Variants in ARB2A observed in about 807,000 individuals in gnomAD.
ARB2A encodes cotranscriptional regulator ARB2A.
chr5:93,994,532 G>T, the ARB2A span, among the ~76,000 whole-genome samples: 4 of 152,222 alleles, frequency 2.6e-5, no homozygotes, highest in South Asian at 8.3e-4. Flanking sequence ...TGGAAAGCTG[G>T]TGTTCAACGG....
the ARB2A span, among the ~76,000 whole-genome samples, chr5:93,679,421 T>C: frequency 3.9e-5 from 6 of 152,132 alleles, no homozygotes; most frequent in Admixed American, 3.9e-4. Flanking sequence ...ATTTTTCACT[T>C]GGCCATGGCA....
At chr5:93,906,721 A>G in the ARB2A span, among the ~76,000 whole-genome samples, 2 of 151,686 alleles carry the variant, frequency 1.3e-5, no homozygotes, top group African/African-American at 4.8e-5. Flanking sequence ...GACATGCAAT[A>G]ACTGAAAAGA....
chr5:93,817,299 C>A, the ARB2A span, among the ~76,000 whole-genome samples: 1 of 152,098 alleles, frequency 6.6e-6, no homozygotes, highest in Non-Finnish European at 1.5e-5. Flanking sequence ...AAGACTTGTA[C>A]ACTGAAAACA....
the ARB2A span, among the ~76,000 whole-genome samples, chr5:93,762,707 A>G: frequency 6.6e-6 from 1 of 152,196 alleles, no homozygotes; most frequent in Non-Finnish European, 1.5e-5. Context: ...AGAACGCCAC[A>G]AAGATACTCC....
the ARB2A span, among the ~76,000 whole-genome samples, chr5:93,822,894 G>A: frequency 3.9e-5 from 6 of 152,140 alleles, no homozygotes; most frequent in African/African-American, 1.4e-4. Flanking sequence ...AGAAGCACTT[G>A]TAGAGTTAAG....
At chr5:93,877,306 T>C in the ARB2A span, among the ~76,000 whole-genome samples, 1 of 152,154 alleles carries the variant, frequency 6.6e-6, no homozygotes. Context: ...GTCTCTAAAA[T>C]TCTATTAACT....
the ARB2A span, among the ~76,000 whole-genome samples, chr5:93,819,090 G>A: frequency 5.6e-3 from 837 of 148,892 alleles, 7 homozygotes; most frequent in African/African-American, 0.02. Flanking sequence ...GGAGGCTGAG[G>A]CAGGAGAATG....
At chr5:94,023,639 G>A in the ARB2A span, among the ~76,000 whole-genome samples, 1 of 152,166 alleles carries the variant, frequency 6.6e-6, no homozygotes, top group Non-Finnish European at 1.5e-5. Flanking sequence ...AAAACCAACT[G>A]CTGATGACTG....
the ARB2A span, among the ~76,000 whole-genome samples, chr5:93,678,287 A>G: frequency 6.6e-6 from 1 of 152,192 alleles, no homozygotes; most frequent in African/African-American, 2.4e-5. Context: ...AAAGACAACA[A>G]AATTATAGAA....
the ARB2A span, among the ~76,000 whole-genome samples, chr5:93,943,427 ATT>A: frequency 1.3e-5 from 2 of 151,992 alleles, no homozygotes; most frequent in African/African-American, 4.8e-5. Flanking sequence ...TAATTTTCAT[ATT>A]TTTTCTCTGA....
the ARB2A span, among the ~76,000 whole-genome samples, chr5:93,759,616 C>T: frequency 3.3e-5 from 5 of 152,128 alleles, no homozygotes; most frequent in African/African-American, 9.7e-5. Flanking sequence ...AAATGTGATA[C>T]ACCACATAAA....
At chr5:93,819,046 C>A in the ARB2A span, among the ~76,000 whole-genome samples, 41 of 151,446 alleles carry the variant, frequency 2.7e-4, no homozygotes, top group African/African-American at 7.7e-4. Flanking sequence ...ATTAGCCGGG[C>A]ATGGTGGCGC....
chr5:93,670,301 C>T, the ARB2A span, among the ~76,000 whole-genome samples: 1 of 152,178 alleles, frequency 6.6e-6, no homozygotes, highest in Non-Finnish European at 1.5e-5. Flanking sequence ...AGTGGTTTCC[C>T]ACTGTACTTA....
chr5:94,001,032 C>T, the ARB2A span, among the ~76,000 whole-genome samples: 63 of 152,192 alleles, frequency 4.1e-4, no homozygotes, highest in African/African-American at 1.5e-3. Flanking sequence ...GCCAATACCA[C>T]ATCATCTTCA....
chr5:93,804,591 AATTAAC>A, the ARB2A span, among the ~76,000 whole-genome samples: 6 of 152,004 alleles, frequency 3.9e-5, no homozygotes, highest in Middle Eastern at 3.4e-3. Flanking sequence ...TACTGATTTT[AATTAAC>A]ATTAAGAACT....
the ARB2A span, among the ~76,000 whole-genome samples, chr5:93,709,645 A>C: frequency 5.3e-5 from 8 of 149,880 alleles, no homozygotes; most frequent in Admixed American, 2.7e-4. Context: ...AAAAAAAAAA[A>C]AAAAAAAAAA....
chr5:93,760,313 T>C, the ARB2A span, among the ~76,000 whole-genome samples: 1 of 152,282 alleles, frequency 6.6e-6, no homozygotes, highest in East Asian at 1.9e-4. Flanking sequence ...ATTGTGAAAG[T>C]TGACCACATG....
At chr5:93,936,441 G>C in the ARB2A span, among the ~76,000 whole-genome samples, 1 of 152,146 alleles carries the variant, frequency 6.6e-6, no homozygotes, top group African/African-American at 2.4e-5. Flanking sequence ...GCAATGCTCA[G>C]TAAGGGATAA....
the ARB2A span, among the ~76,000 whole-genome samples, chr5:93,638,023 A>T: frequency 6.6e-6 from 1 of 152,226 alleles, no homozygotes; most frequent in African/African-American, 2.4e-5. Flanking sequence ...CAGATTTAGA[A>T]TTCTAAATAT....
Sources: gnomAD v4.1 joint callset for allele counts (sites outside exome capture counted in the v4.1 genomes callset) on GRCh38, gnomAD v4.1.1 for gene constraint, MANE v1.5 for transcripts, NCBI Gene and HGNC (gene_info 2026-07-23, HGNC 2026-07-21) for gene names.